The following KPNA1 variants were observed in gnomAD, a reference collection of about 807,000 sequenced individuals.
KPNA1 encodes the protein karyopherin subunit alpha 1, also known as importin subunit alpha-5.
Under a neutral mutation model 70.5 loss-of-function variants are expected in KPNA1, and 10 were observed. The ratio of observed to expected loss-of-function variants is 0.14; its 90% CI spans 0.09 to 0.24. KPNA1 has a LOEUF of 0.24. KPNA1 is among the 10% of genes least tolerant of loss of function. The pLI is 1.00. For synonymous variants in KPNA1, 192 were observed against 221.9 expected (o/e 0.87, Z 1.20); for missense variants, 397 against 637.9 (o/e 0.62, Z 4.07).
At chr3:122,457,459 C>G (rs1372809228) in intron 5 of KPNA1, among the ~76,000 whole-genome samples, 1 of 152,090 alleles carries the variant, frequency 6.6e-6, no homozygotes, top group African/African-American at 2.4e-5. Flanking sequence ...AAAATCTTCA[C>G]TTCTTTTGTT....
rs572456043 is a variant in KPNA1 at position 122,489,667 on chromosome 3, C to T, written c.129+6770G>A. Among the ~76,000 whole-genome samples, 9 of 152,270 alleles carry T rather than the reference C, an allele frequency of 5.9e-5. No individual in the cohort carries two copies. The South Asian group carries it at 1.9e-3, about 32-fold the overall frequency. ...ATATTTTATTACCTGATAACTCTAACATCTTTATCAGTCGAGTCAGTTTCA... is the reference window on the plus strand; with the variant it reads ...ATATTTTATTACCTGATAACTCTAATATCTTTATCAGTCGAGTCAGTTTCA... On this transcript the variant is annotated intron_variant, in intron 2 of 13. Transcript: ENST00000344337.
intron 5 of KPNA1, chr3:122,459,468 A>G (rs2076298904): frequency 1.0e-6 from 1 of 985,308 alleles, no homozygotes; most frequent in African/African-American, 1.7e-5. Context: ...ATTTCAAATG[A>G]TAAACTGCAG....
At chr3:122,460,650 A>G (rs1576308711) in intron 5 of KPNA1, 10 of 684,008 alleles carry the variant, frequency 1.5e-5, no homozygotes, top group Non-Finnish European at 1.8e-5. Context: ...AAAAAGAAGA[A>G]AAAAAAAAAA....
Position 122,433,748 on chromosome 3 carries a change from A to G in KPNA1, c.1163T>C (p.Ile388Thr). The stretch of plus-strand genomic sequence containing the variant: ...TGTCCGAAATTCAGCAGTTTGTAAA[A>G]TACTAATGAGGGCTGGGAAAATGTT... ...DANIFPALISILQTAEFRTRK... is the reference protein window; with the variant it reads ...DANIFPALISTLQTAEFRTRK... Residue 388 changes from isoleucine (I) to threonine (T), a missense_variant, in exon 12 of 14, where the codon ATT becomes ACT. Physicochemically the swap from Ile to Thr is moderately conservative, Grantham distance 89. Coordinates refer to ENST00000344337, the MANE Select transcript of KPNA1 (RefSeq NM_002264.4). 1 of 1,613,116 alleles carries G rather than the reference A, an allele frequency of 6.2e-7. No individual in the cohort carries two copies. Among genetic ancestry groups the G allele is most frequent in the Admixed American group, 1.7e-5 (1 of 59,826 alleles).
intron 11 of KPNA1, among the ~76,000 whole-genome samples, chr3:122,434,526 C>G (rs1446018255): frequency 1.3e-5 from 2 of 152,172 alleles, no homozygotes; most frequent in Non-Finnish European, 2.9e-5. Context: ...TCAAACACAT[C>G]ATCTGCCCGC....
At chr3:122,486,381 T>C (rs999057259) in intron 2 of KPNA1, among the ~76,000 whole-genome samples, 5 of 152,138 alleles carry the variant, frequency 3.3e-5, no homozygotes, top group Non-Finnish European at 4.4e-5. Flanking sequence ...AGAATACACG[T>C]TGCATAATTC....
intron 11 of KPNA1, among the ~76,000 whole-genome samples, chr3:122,436,353 C>T (rs2075987810): frequency 6.6e-6 from 1 of 152,172 alleles, no homozygotes; most frequent in Admixed American, 6.5e-5. Context: ...ATTTTATTGC[C>T]TTGTGAAGTA....
chr3:122,466,966 A>C (rs967635000), intron 3 of KPNA1, among the ~76,000 whole-genome samples: 1 of 151,818 alleles, frequency 6.6e-6, no homozygotes, highest in Non-Finnish European at 1.5e-5. Flanking sequence ...GCGCCACTGC[A>C]CTCCAACCTG....
Position 122,465,691 on chromosome 3 carries a change from G to A in KPNA1, c.237+1631C>T, listed in dbSNP as rs529631906. Among the ~76,000 whole-genome samples the A allele has an allele frequency of 1.3e-3, 197 of 152,336 alleles. 1 individual carries two copies. Among genetic ancestry groups the A allele is most frequent in the African/African-American group, 4.4e-3 (185 of 41,574 alleles). On this transcript the variant is annotated intron_variant, in intron 3 of 13. Transcript: ENST00000344337. ...CCAAGGCGGGTGGATCACGAGGTCA[G>A]GAGTTCAAGACCAACCTGGCCAATA...
intron 9 of KPNA1, among the ~76,000 whole-genome samples, chr3:122,445,782 C>T (rs547192406): frequency 1.3e-5 from 2 of 152,104 alleles, no homozygotes; most frequent in East Asian, 3.9e-4. Flanking sequence ...ACCCATCTCA[C>T]GTGCAGAGAC....
At chr3:122,433,442 G>A (rs899422230) in intron 12 of KPNA1, among the ~76,000 whole-genome samples, 1 of 152,200 alleles carries the variant, frequency 6.6e-6, no homozygotes, top group Non-Finnish European at 1.5e-5. Flanking sequence ...AGAAATGGGA[G>A]AGTTATAAAG....
At chr3:122,511,836 T>A (rs1462630741) in intron 1 of KPNA1, among the ~76,000 whole-genome samples, 1 of 152,254 alleles carries the variant, frequency 6.6e-6, no homozygotes, top group Admixed American at 6.5e-5. Context: ...TTATACACAG[T>A]ACTCATACAT....
chr3:122,510,553 T>C (rs748934243), intron 1 of KPNA1, among the ~76,000 whole-genome samples: 3 of 152,204 alleles, frequency 2.0e-5, no homozygotes, highest in Non-Finnish European at 4.4e-5. Context: ...ACACTAAATA[T>C]TGGTTTAGTA....
intron 12 of KPNA1, among the ~76,000 whole-genome samples, chr3:122,428,858 T>G (rs1284179415): frequency 6.6e-6 from 1 of 152,200 alleles, no homozygotes; most frequent in African/African-American, 2.4e-5. Flanking sequence ...GTGGGGATAC[T>G]TCTTAACTCA....
At chr3:122,504,031 G>A (rs947850551) in intron 1 of KPNA1, among the ~76,000 whole-genome samples, 1 of 152,192 alleles carries the variant, frequency 6.6e-6, no homozygotes, top group African/African-American at 2.4e-5. Flanking sequence ...GTTAATGCAT[G>A]CTATTACACA....
chr3:122,443,666 C>T (rs761121458), intron 9 of KPNA1, among the ~76,000 whole-genome samples: 4 of 152,182 alleles, frequency 2.6e-5, no homozygotes, highest in African/African-American at 4.8e-5. Flanking sequence ...GGTGACATCA[C>T]ATGTCGGCAG....
At chr3:122,448,732 T>TA (rs1188536352) in intron 9 of KPNA1, among the ~76,000 whole-genome samples, 1 of 151,624 alleles carries the variant, frequency 6.6e-6, no homozygotes, top group African/African-American at 2.4e-5. Context: ...CCCTAGGACT[T>TA]AAAGTATAAT....
intron 6 of KPNA1, among the ~76,000 whole-genome samples, chr3:122,452,574 GA>G (rs2076217111): frequency 2.1e-4 from 5 of 24,248 alleles, no homozygotes; most frequent in African/African-American, 1.1e-3. Flanking sequence ...GGGAAGGAGG[GA>G]AGGAAGGAAG....
At chr3:122,478,777 C>A (rs1279260901) in intron 2 of KPNA1, among the ~76,000 whole-genome samples, 6 of 150,132 alleles carry the variant, frequency 4.0e-5, no homozygotes, top group African/African-American at 1.5e-4. Flanking sequence ...CACTTGTAAT[C>A]CCAGCTACTC....
Sources: gnomAD v4.1 joint callset for allele counts (sites outside exome capture counted in the v4.1 genomes callset) on GRCh38, gnomAD v4.1.1 for gene constraint, MANE v1.5 for transcripts, NCBI Gene and HGNC (gene_info 2026-07-23, HGNC 2026-07-21) for gene names.